IL1RAPL2: variants seen among roughly 807,000 people sequenced by gnomAD.
The protein encoded by IL1RAPL2 is X-linked interleukin-1 receptor accessory protein-like 2.
IL1RAPL2 carries 3 observed loss-of-function variants against 44.1 expected under a neutral mutation model. The ratio of observed to expected loss-of-function variants is 0.07; its 90% CI spans 0.03 to 0.18. The LOEUF is 0.18. Among genes scored for constraint, IL1RAPL2 ranks in the 10% least tolerant of loss-of-function variants. IL1RAPL2 has a pLI of 1.00. For missense variants in IL1RAPL2, 391 were observed against 496.4 expected, an observed-to-expected ratio of 0.79 and a Z score of 2.02; for synonymous variants, 181 against 178.8, an observed-to-expected ratio of 1.01 and a Z score of -0.10.
At chrX:105,362,183 G>T (rs2035252680) in intron 5 of IL1RAPL2, among the ~76,000 whole-genome samples, 1 of 111,209 alleles carries the variant, frequency 9.0e-6, no homozygotes, top group African/African-American at 3.3e-5. Flanking sequence ...CTTTCCTTTA[G>T]CACACGTGAA....
chrX:105,201,308 TGAAAC>T (rs782130465), intron 3 of IL1RAPL2, among the ~76,000 whole-genome samples: 1 of 112,088 alleles, frequency 8.9e-6, no homozygotes, highest in South Asian at 3.7e-4. Flanking sequence ...TGGATACACT[TGAAAC>T]GAAAAGCATA....
At chrX:104,786,952 T>TCTCC (rs1932802148) in intron 2 of IL1RAPL2, among the ~76,000 whole-genome samples, 1 of 98,089 alleles carries the variant, frequency 1.0e-5, no homozygotes, top group African/African-American at 3.7e-5. Flanking sequence ...TCTCTCTCTC[T>TCTCC]CTCTCTCTCT....
Position 104,598,027 on chromosome X carries a change from A to T in IL1RAPL2, c.-20+30976A>T, listed in dbSNP as rs748349888. On this transcript the variant is annotated intron_variant, in intron 1 of 10. Coordinates refer to ENST00000372582, the MANE Select transcript of IL1RAPL2 (RefSeq NM_017416.2). ...GTTTCAGAAATATGTAGGATTGGGT[A>T]TTATATTGTCTTTTTATTCTAATTT... Among the ~76,000 whole-genome samples the T allele has an allele frequency of 7.1e-5, 8 of 112,002 alleles. No individual in the cohort carries two copies. In the South Asian group the frequency reaches 3.0e-3, roughly 42 times the overall value.
chrX:105,667,746 C>T lies in IL1RAPL2; in HGVS notation c.773-49621C>T, dbSNP rs758535739. Among the ~76,000 whole-genome samples, 6 of 111,135 alleles carry T rather than the reference C, an allele frequency of 5.4e-5. No homozygotes were observed. The South Asian group carries it at 1.9e-3, about 36-fold the overall frequency. ...TCGTTTACTCCTTTTAAGAGTTTTC[C>T]GTAGAATATTATTAATAACATGGAT... is the stretch of plus-strand genomic sequence containing the variant. On this transcript the variant is annotated intron_variant, in intron 6 of 10. Transcript: ENST00000372582.
At chrX:104,659,882 G>T (rs367776700) in intron 2 of IL1RAPL2, among the ~76,000 whole-genome samples, 4 of 111,686 alleles carry the variant, frequency 3.6e-5, no homozygotes, top group South Asian at 3.8e-4. Context: ...AATGCGGATT[G>T]GGGGGAGGTG....
intron 6 of IL1RAPL2, among the ~76,000 whole-genome samples, chrX:105,714,900 A>G (rs1333476906): frequency 4.5e-5 from 5 of 112,327 alleles, no homozygotes; most frequent in Non-Finnish European, 9.4e-5. Flanking sequence ...TATGTGTAAG[A>G]GTGACATAAT....
At chrX:105,010,947 A>T (rs954019800) in intron 2 of IL1RAPL2, among the ~76,000 whole-genome samples, 1 of 111,253 alleles carries the variant, frequency 9.0e-6, no homozygotes, top group African/African-American at 3.3e-5. Context: ...TCTCCTGCTG[A>T]TGTGGGCCAT....
At chrX:105,090,722 T>G (rs925103646) in intron 2 of IL1RAPL2, among the ~76,000 whole-genome samples, 4 of 112,336 alleles carry the variant, frequency 3.6e-5, no homozygotes, top group Admixed American at 9.4e-5. Context: ...AAGGGTGGCC[T>G]TATCTCAGGA....
chrX:105,401,627 G>A (rs1318138933), intron 5 of IL1RAPL2, among the ~76,000 whole-genome samples: 1 of 110,275 alleles, frequency 9.1e-6, no homozygotes, highest in Non-Finnish European at 1.9e-5. Context: ...CCTTAGGTTG[G>A]TGATTTTCTT....
At chrX:105,292,689 ATATAAT>A (rs1287414754) in intron 5 of IL1RAPL2, among the ~76,000 whole-genome samples, 1 of 112,010 alleles carries the variant, frequency 8.9e-6, no homozygotes, top group African/African-American at 3.2e-5. Context: ...TAATAAAATC[ATATAAT>A]TATAATTCAT....
At chrX:104,628,324 C>G (rs886403131) in intron 1 of IL1RAPL2, among the ~76,000 whole-genome samples, 4 of 110,810 alleles carry the variant, frequency 3.6e-5, no homozygotes, top group Non-Finnish European at 7.6e-5. Flanking sequence ...CATTAACCAA[C>G]CTCTCTCTGT....
intron 4 of IL1RAPL2, among the ~76,000 whole-genome samples, chrX:105,259,302 C>A (rs1467691993): frequency 9.0e-6 from 1 of 111,646 alleles, no homozygotes; most frequent in African/African-American, 3.3e-5. Context: ...CCTATGTTTC[C>A]TCACATTTGG....
chrX:105,378,497 G>A (rs937286232), intron 5 of IL1RAPL2, among the ~76,000 whole-genome samples: 2 of 111,677 alleles, frequency 1.8e-5, no homozygotes, highest in East Asian at 2.8e-4. Context: ...TAAGCAGAAT[G>A]ATATGGTGAT....
chrX:105,642,659 T>C (rs969385350), intron 6 of IL1RAPL2, among the ~76,000 whole-genome samples: 4 of 112,321 alleles, frequency 3.6e-5, no homozygotes, highest in African/African-American at 1.3e-4. Context: ...GAATTTCTAC[T>C]CTATTCACTT....
At chrX:104,939,025 A>G (rs775922679) in intron 2 of IL1RAPL2, among the ~76,000 whole-genome samples, 1 of 105,342 alleles carries the variant, frequency 9.5e-6, no homozygotes, top group East Asian at 3.0e-4. Flanking sequence ...ATTGTCTCTC[A>G]GAGATAATCA....
At chrX:104,887,645 A>G (rs1195201761) in intron 2 of IL1RAPL2, among the ~76,000 whole-genome samples, 1 of 111,905 alleles carries the variant, frequency 8.9e-6, no homozygotes, top group Non-Finnish European at 1.9e-5. Context: ...CTTCAAATAC[A>G]TACTTGTGTG....
intron 5 of IL1RAPL2, among the ~76,000 whole-genome samples, chrX:105,347,901 C>A (rs2035123314): frequency 9.0e-6 from 1 of 111,354 alleles, no homozygotes; most frequent in African/African-American, 3.3e-5. Context: ...CTCTGGGGAG[C>A]AAAATTGCTC....
intron 2 of IL1RAPL2, among the ~76,000 whole-genome samples, chrX:104,822,090 TG>T (rs939871669): frequency 9.0e-6 from 1 of 111,568 alleles, no homozygotes; most frequent in Non-Finnish European, 1.9e-5. Context: ...TCTGATGGGG[TG>T]TTTTTTTGTT....
Position 105,306,216 on chromosome X carries a change from A to G in IL1RAPL2, c.697+38675A>G, listed in dbSNP as rs189691837. 3.3e-3 allele frequency among the ~76,000 whole-genome samples: 372 copies of G among 111,492 alleles called. 1 individual carries two copies. Among genetic ancestry groups the G allele is most frequent in the Non-Finnish European group, 6.0e-3 (316 of 53,082 alleles). On this transcript the variant is annotated intron_variant, in intron 5 of 10. Transcript: ENST00000372582. ...AATTTGTAACATATATATTAATAACATATACTACATAATGTGTATTTTTTT... is the reference window on the plus strand; with the variant it reads ...AATTTGTAACATATATATTAATAACGTATACTACATAATGTGTATTTTTTT...
Sources: allele counts gnomAD v4.1 joint callset (sites outside exome capture counted in the v4.1 genomes callset), GRCh38; gene constraint gnomAD v4.1.1; transcripts MANE v1.5; gene names NCBI Gene and HGNC (gene_info 2026-07-23, HGNC 2026-07-21).